CLEC2B: variants seen among roughly 807,000 people sequenced by gnomAD.
CLEC2B encodes the protein C-type lectin domain family 2 member B, also known as C-type (calcium dependent, carbohydrate-recognition domain) lectin, superfamily member 2 (activation-induced).
Under a neutral mutation model 16.2 loss-of-function variants are expected in CLEC2B, and 14 were observed. That is an observed-to-expected ratio of 0.86 (90% CI 0.57 to 1.35). The LOEUF (loss-of-function observed/expected upper bound fraction) is 1.35, where lower values mean the gene tolerates loss of function less well. Among genes scored for constraint, CLEC2B ranks in the 40% most tolerant of loss-of-function variants. The probability of loss-of-function intolerance (pLI) is 0.00; values close to 1 mark genes in which losing one functional copy is unlikely to be tolerated. For missense variants in CLEC2B, 166 were observed against 182.3 expected (o/e 0.91, Z 0.52); for synonymous variants, 42 against 55.8 (o/e 0.75, Z 1.10).
At chr12:9,868,030 C>T (rs904237366) in intron 1 of CLEC2B, among the ~76,000 whole-genome samples, 5 of 151,362 alleles carry the variant, frequency 3.3e-5, no homozygotes, top group Admixed American at 2.0e-4. Context: ...TTATATCACA[C>T]TGCCCTAAAT....
intron 3 of CLEC2B, among the ~76,000 whole-genome samples, chr12:9,856,641 G>C (rs1867895776): frequency 6.6e-6 from 1 of 152,000 alleles, no homozygotes; most frequent in Non-Finnish European, 1.5e-5. Context: ...GTTGACTCTT[G>C]TGCTATTCTG....
intron 2 of CLEC2B, among the ~76,000 whole-genome samples, chr12:9,860,881 A>G (rs565432996): frequency 5.3e-5 from 8 of 151,892 alleles, no homozygotes; most frequent in Non-Finnish European, 1.2e-4. Flanking sequence ...TTAATAAGTT[A>G]TTTCAGGTTG....
chr12:9,867,428 C>G (rs1416059725), intron 1 of CLEC2B, among the ~76,000 whole-genome samples: 3 of 151,904 alleles, frequency 2.0e-5, no homozygotes, highest in Non-Finnish European at 4.4e-5. Context: ...TATCGTGAAC[C>G]CTGAAATCTA....
chr12:9,857,149 G>C (rs540564297), intron 3 of CLEC2B: 1 of 187,028 alleles, frequency 5.3e-6, no homozygotes, highest in African/African-American at 2.4e-5. Flanking sequence ...GTAGAATGCA[G>C]AATCCCCTCC....
At chr12:9,867,661 A>G (rs1268273572) in intron 1 of CLEC2B, among the ~76,000 whole-genome samples, 1 of 152,160 alleles carries the variant, frequency 6.6e-6, no homozygotes, top group Non-Finnish European at 1.5e-5. Context: ...CATGAATTTC[A>G]AAGTTGTTGA....
At chr12:9,854,256 A>AT (rs1867875809) in intron 4 of CLEC2B, 125 bp downstream of exon 4, 1 of 583,814 alleles carries the variant, frequency 1.7e-6, no homozygotes, top group Non-Finnish European at 3.0e-6. Context: ...TATATATTCA[A>AT]TCCCCCCTCC....
At chr12:9,864,846 C>CAAT (rs58324512) in intron 1 of CLEC2B, among the ~76,000 whole-genome samples, 62,493 of 151,540 alleles carry the variant, frequency 0.41, 13,048 homozygotes, top group East Asian at 0.53. Flanking sequence ...CCTTACTTAA[C>CAAT]AATAACATGG....
At chr12:9,866,578 T>C (rs578126454) in intron 1 of CLEC2B, among the ~76,000 whole-genome samples, 203 of 152,270 alleles carry the variant, frequency 1.3e-3, no homozygotes, top group African/African-American at 4.7e-3. Flanking sequence ...TTGTCCTGTT[T>C]TTAAATATTT....
At chr12:9,854,581 C>A (rs1267513513) in intron 3 of CLEC2B, 97 bp from the exon 4 acceptor site, 8 of 784,620 alleles carry the variant, frequency 1.0e-5, no homozygotes, top group African/African-American at 3.5e-5. Flanking sequence ...TGCAAGGCAA[C>A]AATTGTTCAA....
chr12:9,854,580 A>T, intron 3 of CLEC2B, 96 bp from the exon 4 acceptor site: 2 of 790,108 alleles, frequency 2.5e-6, no homozygotes, highest in Non-Finnish European at 4.4e-6. Context: ...GTGCAAGGCA[A>T]CAATTGTTCA....
At chr12:9,864,163 G>GA (rs34581887) in intron 1 of CLEC2B, among the ~76,000 whole-genome samples, 61,005 of 141,590 alleles carry the variant, frequency 0.43, 13,179 homozygotes, top group East Asian at 0.51. Context: ...TTTAAGTGCT[G>GA]AAAAAAAAAA....
chr12:9,853,108 A>G lies in CLEC2B; in HGVS notation c.*192T>C, dbSNP rs909369772. 4 of 491,898 alleles carry G rather than the reference A, an allele frequency of 8.1e-6. No homozygotes were observed. Among genetic ancestry groups the G allele is most frequent in the Admixed American group, 3.4e-5 (1 of 29,614 alleles). 30.5% of individuals were successfully genotyped at this position (491,898 alleles called of 1,614,324 possible). A position where few individuals can be genotyped will look rare whatever the true frequency, so the allele number is the denominator to read the frequency against. ...AAGAGAGAGAGAGAAAGAAAGAAAG[A>G]AAAAAACTCAGCAGAATACCTGTAA... On this transcript the variant is annotated 3_prime_UTR_variant, in exon 5 of 5. Coordinates refer to ENST00000228438, the MANE Select transcript of CLEC2B (RefSeq NM_005127.3).
intron 3 of CLEC2B, among the ~76,000 whole-genome samples, chr12:9,856,412 TG>T (rs1160456319): frequency 6.6e-6 from 1 of 152,088 alleles, no homozygotes; most frequent in Non-Finnish European, 1.5e-5. Flanking sequence ...ATATTAAACT[TG>T]CACCTTAATT....
At chr12:9,864,588 T>C (rs909001860) in intron 1 of CLEC2B, among the ~76,000 whole-genome samples, 1 of 152,208 alleles carries the variant, frequency 6.6e-6, no homozygotes, top group Non-Finnish European at 1.5e-5. Flanking sequence ...TTTTTTCCTT[T>C]GTTGCTATTC....
At chr12:9,861,848 C>T (rs1294646491) in intron 2 of CLEC2B, among the ~76,000 whole-genome samples, 3 of 151,996 alleles carry the variant, frequency 2.0e-5, no homozygotes, top group African/African-American at 7.2e-5. Context: ...ATAATATTTA[C>T]ATTTCCATGT....
At chr12:9,853,679 T>C (rs1591767766) in intron 4 of CLEC2B, among the ~76,000 whole-genome samples, 1 of 152,338 alleles carries the variant, frequency 6.6e-6, no homozygotes, top group African/African-American at 2.4e-5. Flanking sequence ...GGGGTGATTT[T>C]GCTTCCAAAC....
At chr12:9,853,468 C>T in intron 4 of CLEC2B, 60 bp from the exon 5 acceptor site, 1 of 1,349,012 alleles carries the variant, frequency 7.4e-7, no homozygotes, top group South Asian at 1.2e-5. Context: ...CCATGGACAC[C>T]TTTAAACAAA....
At position 9,869,286 on chromosome 12, in the gene CLEC2B, CTTTAT is replaced by C. The variant is rs1867996568; in HGVS notation, c.-89_-85del. ...GCAGAAACTCTCTTCAAAGTTGTAACTTTATTTAACTTTAATATAAAAATGTTACT... is the reference window on the plus strand; with the variant it reads ...GCAGAAACTCTCTTCAAAGTTGTAACTTAACTTTAATATAAAAATGTTACT... On this transcript the variant is annotated 5_prime_UTR_variant, in exon 1 of 5. Coordinates refer to ENST00000228438, the MANE Select transcript of CLEC2B (RefSeq NM_005127.3). 1 of 152,124 alleles carries C rather than the reference CTTTAT, an allele frequency of 6.6e-6. No individual in the cohort carries two copies. Among genetic ancestry groups the C allele is most frequent in the Non-Finnish European group, 1.5e-5 (1 of 68,000 alleles). 9.4% of individuals were successfully genotyped at this position (152,124 alleles called of 1,614,324 possible).
chr12:9,861,372 G>A (rs919317423), intron 2 of CLEC2B, among the ~76,000 whole-genome samples: 10 of 152,034 alleles, frequency 6.6e-5, no homozygotes, highest in South Asian at 2.1e-4. Flanking sequence ...AGCCCAAATC[G>A]GGTAACAACA....
Sources: gnomAD v4.1 joint callset for allele counts (sites outside exome capture counted in the v4.1 genomes callset) on GRCh38, gnomAD v4.1.1 for gene constraint, MANE v1.5 for transcripts, NCBI Gene and HGNC (gene_info 2026-07-23, HGNC 2026-07-21) for gene names.